Variants in MOXD1 observed in about 807,000 individuals in gnomAD.
MOXD1 encodes the protein monooxygenase DBH like 1.
A neutral mutation model predicts 66.6 loss-of-function variants in MOXD1; 62 were observed. The observed-to-expected ratio is 0.93, with a 90% CI of 0.76 to 1.15. The LOEUF is 1.15. MOXD1 is among the 50% of genes most tolerant of loss of function. MOXD1 has a pLI of 0.00. For synonymous variants in MOXD1, 303 were observed against 281.9 expected (o/e 1.07, Z -0.75); for missense variants, 847 against 754.6 (o/e 1.12, Z -1.44).
chr6:132,335,468 GGA>G (rs1348991535), intron 4 of MOXD1, among the ~76,000 whole-genome samples: 4 of 152,156 alleles, frequency 2.6e-5, no homozygotes, highest in African/African-American at 7.2e-5. Context: ...ATGAGAGAAA[GGA>G]GAGAGAGATT....
chr6:132,382,072 C>T (rs1307247255), intron 1 of MOXD1, among the ~76,000 whole-genome samples: 1 of 151,922 alleles, frequency 6.6e-6, no homozygotes, highest in Non-Finnish European at 1.5e-5. Context: ...ACTGTGCACT[C>T]TCGTTGTCAT....
intron 4 of MOXD1, among the ~76,000 whole-genome samples, chr6:132,345,898 CA>C (rs1351778316): frequency 6.6e-6 from 1 of 152,018 alleles, no homozygotes; most frequent in Non-Finnish European, 1.5e-5. Context: ...TACCTCCAAC[CA>C]GTTACATCTC....
In MOXD1 at chr6:132,401,454, C is replaced by A; in HGVS notation, c.-28G>T. ...TCGGGCGCCTCCTGCCCGCCGGTAC[C>A]GGCCTCCAGCCGCTGGGGAGTGAGG... On this transcript the variant is annotated 5_prime_UTR_variant, in exon 1 of 12. Transcript: ENST00000367963. 3 of 1,463,674 alleles carry A rather than the reference C, an allele frequency of 2.0e-6. No homozygotes were observed. Among genetic ancestry groups the A allele is most frequent in the Non-Finnish European group, 2.7e-6 (3 of 1,114,150 alleles). 90.7% of individuals were successfully genotyped at this position (1,463,674 alleles called of 1,614,324 possible).
intron 1 of MOXD1, among the ~76,000 whole-genome samples, chr6:132,389,087 G>A (rs1776706072): frequency 1.3e-5 from 2 of 151,166 alleles, no homozygotes; most frequent in South Asian, 4.3e-4. Flanking sequence ...TGCCCAGGCT[G>A]GAGTGCAGTG....
chr6:132,327,371 G>C (rs1775212018), intron 6 of MOXD1, among the ~76,000 whole-genome samples: 1 of 152,162 alleles, frequency 6.6e-6, no homozygotes, highest in South Asian at 2.1e-4. Context: ...GCACAGATCT[G>C]GCACATAGTT....
At chr6:132,328,139 A>T (rs752455928) in intron 5 of MOXD1, 24 bp from the exon 6 acceptor site, 4 of 1,584,072 alleles carry the variant, frequency 2.5e-6, no homozygotes, top group Non-Finnish European at 3.5e-6. Context: ...ATGCCATGAG[A>T]CAATGTCCTA....
intron 10 of MOXD1, among the ~76,000 whole-genome samples, chr6:132,302,300 C>T (rs774595863): frequency 6.6e-6 from 1 of 152,020 alleles, no homozygotes; most frequent in Non-Finnish European, 1.5e-5. Context: ...ATAAAAACAA[C>T]CTAGTACTAA....
intron 10 of MOXD1, among the ~76,000 whole-genome samples, chr6:132,303,885 AT>A (rs1769729660): frequency 3.6e-5 from 2 of 55,464 alleles, no homozygotes; most frequent in East Asian, 1.7e-3. Context: ...ATATACATAT[AT>A]ACATAAAACC....
chr6:132,394,201 T>G (rs1186788212), intron 1 of MOXD1, among the ~76,000 whole-genome samples: 3 of 152,150 alleles, frequency 2.0e-5, no homozygotes, highest in Non-Finnish European at 4.4e-5. Context: ...CAGACACCAC[T>G]GACACTGTTT....
chr6:132,343,358 A>G (rs1189180452), intron 4 of MOXD1, among the ~76,000 whole-genome samples: 1 of 152,092 alleles, frequency 6.6e-6, no homozygotes, highest in Non-Finnish European at 1.5e-5. Flanking sequence ...GCGGACCACC[A>G]GAGGTTGGGA....
chr6:132,377,764 T>C (rs1435669034), intron 1 of MOXD1, among the ~76,000 whole-genome samples: 1 of 152,178 alleles, frequency 6.6e-6, no homozygotes, highest in East Asian at 1.9e-4. Flanking sequence ...TGAAGGAAAA[T>C]ATGGTTGGAT....
chr6:132,388,492 T>A (rs775696475), intron 1 of MOXD1, among the ~76,000 whole-genome samples: 3 of 151,356 alleles, frequency 2.0e-5, no homozygotes, highest in Non-Finnish European at 4.4e-5. Context: ...ATTGACACAG[T>A]CATCAACTTG....
At chr6:132,303,226 C>T (rs1774582018) in intron 10 of MOXD1, among the ~76,000 whole-genome samples, 1 of 152,112 alleles carries the variant, frequency 6.6e-6, no homozygotes, top group Admixed American at 6.5e-5. Flanking sequence ...AGTCAAGCCA[C>T]AGACTGGGAG....
chr6:132,398,484 C>T (rs1412538735), intron 1 of MOXD1, among the ~76,000 whole-genome samples: 1 of 151,946 alleles, frequency 6.6e-6, no homozygotes, highest in Admixed American at 6.6e-5. Flanking sequence ...TATCATACAC[C>T]CTGGTGTAAT....
Position 132,325,966 on chromosome 6 carries a change from G to A in MOXD1, c.947-1869C>T, listed in dbSNP as rs565265731. Reference sequence around the variant, plus strand: ...CATGATAATGTAGAATATCTATACTGACCTTAGAATTTTCTCTGGACATAT... The same window carrying A: ...CATGATAATGTAGAATATCTATACTAACCTTAGAATTTTCTCTGGACATAT... On this transcript the variant is annotated intron_variant, in intron 6 of 11. Transcript: ENST00000367963. 7.2e-5 allele frequency among the ~76,000 whole-genome samples: 11 copies of A among 152,238 alleles called. No individual in the cohort carries two copies. In the South Asian group the frequency reaches 2.1e-3, roughly 29 times the overall value.
intron 10 of MOXD1, among the ~76,000 whole-genome samples, chr6:132,307,659 TAAAC>T (rs1010844153): frequency 1.1e-4 from 16 of 152,010 alleles, no homozygotes; most frequent in Admixed American, 1.0e-3. Context: ...CTGAAGTCAT[TAAAC>T]AAACAGTCTC....
chr6:132,352,321 A>T (rs1038208179), intron 4 of MOXD1, among the ~76,000 whole-genome samples: 5 of 152,078 alleles, frequency 3.3e-5, no homozygotes, highest in African/African-American at 4.8e-5. Flanking sequence ...ACAGATTTTG[A>T]TAGGTTGTGT....
In MOXD1 at chr6:132,359,821, A is replaced by G. The variant is rs1019857741; in HGVS notation, c.663+12787T>C. ...ACAATAAATAAAATTTGTTAAAGCC[A>G]CACAGGAGTAATACTCAAGATAAAA... On this transcript the variant is annotated intron_variant, in intron 4 of 11. Transcript: ENST00000367963. Among the ~76,000 whole-genome samples the G allele has an allele frequency of 7.9e-5, 12 of 152,216 alleles. No homozygotes were observed. The South Asian group carries it at 1.4e-3, about 18-fold the overall frequency.
chr6:132,306,537 A>C (rs1004717700), intron 10 of MOXD1, among the ~76,000 whole-genome samples: 30 of 152,146 alleles, frequency 2.0e-4, no homozygotes, highest in African/African-American at 7.2e-4. Flanking sequence ...CCACGAGAAG[A>C]TCAACCCCAA....
Sources: allele counts gnomAD v4.1 joint callset (sites outside exome capture counted in the v4.1 genomes callset), GRCh38; gene constraint gnomAD v4.1.1; transcripts MANE v1.5; gene names NCBI Gene and HGNC (gene_info 2026-07-23, HGNC 2026-07-21).